The following RAP1A variants were observed in gnomAD, a reference collection of about 807,000 sequenced individuals.
RAP1A encodes ras-related protein Rap-1A.
RAP1A carries 6 observed loss-of-function variants against 26.4 expected under a neutral mutation model. The ratio of observed to expected loss-of-function variants is 0.23; its 90% CI spans 0.12 to 0.45. RAP1A has a LOEUF of 0.45. Among genes scored for constraint, RAP1A ranks in the 20% least tolerant of loss-of-function variants. The pLI, the probability that RAP1A is intolerant of heterozygous loss-of-function variation, is 0.99. For missense variants in RAP1A, 121 were observed against 217.2 expected (o/e 0.56, Z 2.78); for synonymous variants, 73 against 79.4 (o/e 0.92, Z 0.43).
chr1:111,677,781 C>T (rs553667076), intron 1 of RAP1A, among the ~76,000 whole-genome samples: 15 of 152,172 alleles, frequency 9.9e-5, no homozygotes, highest in Admixed American at 3.3e-4. Context: ...TAGCTTCTGC[C>T]GTATCGTATT....
chr1:111,584,244 T>G (rs1658319565), intron 1 of RAP1A, among the ~76,000 whole-genome samples: 1 of 152,178 alleles, frequency 6.6e-6, no homozygotes, highest in Non-Finnish European at 1.5e-5. Context: ...TACAACAAGA[T>G]GTACCACAGA....
At chr1:111,620,437 G>C (rs926714453) in intron 1 of RAP1A, among the ~76,000 whole-genome samples, 1 of 152,234 alleles carries the variant, frequency 6.6e-6, no homozygotes, top group African/African-American at 2.4e-5. Flanking sequence ...GGGCCCGCGG[G>C]GGCGGGGGGG....
At chr1:111,565,802 C>CTACAAAA in intron 1 of RAP1A, among the ~76,000 whole-genome samples, 1 of 151,994 alleles carries the variant, frequency 6.6e-6, no homozygotes, top group East Asian at 1.9e-4. Flanking sequence ...AATGTGGCTA[C>CTACAAAA]TACAAAATCT....
At chr1:111,665,602 T>G (rs1660777976) in intron 1 of RAP1A, among the ~76,000 whole-genome samples, 1 of 152,184 alleles carries the variant, frequency 6.6e-6, no homozygotes, top group Admixed American at 6.5e-5. Context: ...TGGTAATACA[T>G]TTAAAAAGCA....
In RAP1A at chr1:111,580,135, A is replaced by T. The variant is rs992289385; in HGVS notation, c.-28+37626A>T. Among the ~76,000 whole-genome samples, 19 of 152,326 alleles carry T rather than the reference A, an allele frequency of 1.2e-4. 1 individual carries two copies. Among genetic ancestry groups the T allele is most frequent in the African/African-American group, 4.6e-4 (19 of 41,570 alleles). ...GAATACTGAACTAAAAGTGAAAAAC[A>T]TAATAGTTGTATGCGTACTCAAAGT... On this transcript the variant is annotated intron_variant, in intron 1 of 7. Transcript: ENST00000356415.
At chr1:111,649,027 G>T in intron 1 of RAP1A, 2 of 618,116 alleles carry the variant, frequency 3.2e-6, no homozygotes, top group South Asian at 2.8e-5. Context: ...ACCTTGTGGA[G>T]TCCGTGGATG....
intron 1 of RAP1A, among the ~76,000 whole-genome samples, chr1:111,622,547 T>C (rs922151945): frequency 6.6e-6 from 1 of 152,216 alleles, no homozygotes; most frequent in Non-Finnish European, 1.5e-5. Context: ...CCACTGTTTC[T>C]ATCCTCTCAC....
At chr1:111,684,198 C>G (rs1358413518) in intron 1 of RAP1A, among the ~76,000 whole-genome samples, 1 of 152,140 alleles carries the variant, frequency 6.6e-6, no homozygotes, top group Non-Finnish European at 1.5e-5. Context: ...CACCCACAGC[C>G]AGTATCATAC....
intron 1 of RAP1A, among the ~76,000 whole-genome samples, chr1:111,681,272 G>A (rs1001753304): frequency 1.3e-5 from 2 of 152,028 alleles, no homozygotes; most frequent in Non-Finnish European, 2.9e-5. Flanking sequence ...TGAAAATTCC[G>A]AAAACCAGCA....
chr1:111,607,841 G>C (rs1319352789), intron 1 of RAP1A, among the ~76,000 whole-genome samples: 1 of 121,286 alleles, frequency 8.2e-6, no homozygotes, highest in East Asian at 2.3e-4. Context: ...CTCCCTCCCG[G>C]ACGGGGCGGC....
intron 1 of RAP1A, among the ~76,000 whole-genome samples, chr1:111,650,093 C>CTTTTTTTTTTT (rs57681662): frequency 3.0e-4 from 23 of 75,850 alleles, no homozygotes; most frequent in South Asian, 6.3e-4. Context: ...TGGTAGAGTG[C>CTTTTTTTTTTT]TTTTTTTTTT....
Position 111,703,488 on chromosome 1 carries a change from TTC to T in RAP1A, c.324+18_324+19del. ...AGGACACGGAAGATGTAAGTATTTT[TTC>T]TCTCTGTAAGATGTTATGCCATCTC... On this transcript the variant is annotated intron_variant, in intron 5 of 7. Coordinates refer to ENST00000369709, the MANE Select transcript of RAP1A (RefSeq NM_002884.4). 6.4e-7 allele frequency: 1 copy of T among 1,572,376 alleles called. No homozygotes were observed. The highest frequency in any genetic ancestry group is 8.6e-7 in the Non-Finnish European group (1 of 1,161,190).
intron 1 of RAP1A, among the ~76,000 whole-genome samples, chr1:111,579,300 G>GT (rs1658204151): frequency 6.6e-6 from 1 of 152,150 alleles, no homozygotes; most frequent in African/African-American, 2.4e-5. Context: ...AAATGCTGGA[G>GT]TTATTAAAGG....
chr1:111,565,503 A>G (rs757946385), intron 1 of RAP1A, among the ~76,000 whole-genome samples: 1 of 152,244 alleles, frequency 6.6e-6, no homozygotes, highest in Non-Finnish European at 1.5e-5. Flanking sequence ...TTCCTGTAGT[A>G]ACATATGGAG....
At chr1:111,626,955 C>G (rs1381140735) in intron 1 of RAP1A, among the ~76,000 whole-genome samples, 1 of 152,128 alleles carries the variant, frequency 6.6e-6, no homozygotes, top group Admixed American at 6.5e-5. Context: ...ATAATAGAAG[C>G]TGGAAACAAG....
intron 1 of RAP1A, among the ~76,000 whole-genome samples, chr1:111,660,836 T>C (rs1003285868): frequency 2.0e-5 from 3 of 152,240 alleles, no homozygotes; most frequent in East Asian, 3.8e-4. Context: ...TATAGTGCCC[T>C]ACTTGTTCCT....
In RAP1A at chr1:111,647,175, TTC is replaced by T. The variant is rs145469247; in HGVS notation, c.-28+27244_-28+27245del. ...TTATCAGATCACTAGTGGCATTAGATTCTCATAGGAGTGCAAACCCTATTATG... is the reference window on the plus strand; with the variant it reads ...TTATCAGATCACTAGTGGCATTAGATTCATAGGAGTGCAAACCCTATTATG... On this transcript the variant is annotated intron_variant, in intron 1 of 7. Transcript: ENST00000369709. 8.3e-3 allele frequency among the ~76,000 whole-genome samples: 1,270 copies of T among 152,164 alleles called. 19 individuals are homozygous for T. The highest frequency in any genetic ancestry group is 0.029 in the African/African-American group (1,219 of 41,494).
At chr1:111,594,987 T>C (rs1317889091) in intron 1 of RAP1A, among the ~76,000 whole-genome samples, 1 of 152,236 alleles carries the variant, frequency 6.6e-6, no homozygotes, top group Non-Finnish European at 1.5e-5. Flanking sequence ...TGTAACACAG[T>C]TGCACTCATT....
chr1:111,698,123 C>G (rs1430407103), intron 4 of RAP1A, among the ~76,000 whole-genome samples: 1 of 152,102 alleles, frequency 6.6e-6, no homozygotes, highest in Admixed American at 6.6e-5. Flanking sequence ...ATACCATCAC[C>G]TTTATAATTT....
Sources: gnomAD v4.1 joint callset for allele counts (sites outside exome capture counted in the v4.1 genomes callset) on GRCh38, gnomAD v4.1.1 for gene constraint, MANE v1.5 for transcripts, NCBI Gene and HGNC (gene_info 2026-07-23, HGNC 2026-07-21) for gene names.